The following UBTF variants were observed in gnomAD, a reference collection of about 807,000 sequenced individuals.
UBTF encodes the protein nucleolar transcription factor 1.
In UBTF, 8 loss-of-function variants were observed where a neutral mutation model predicts 112.3. The ratio of observed to expected loss-of-function variants is 0.07; its 90% confidence interval spans 0.04 to 0.13. The LOEUF is 0.13. Ranked by LOEUF, UBTF falls within the 10% of genes least tolerant of loss-of-function variation. UBTF has a pLI of 1.00. For missense variants in UBTF, 457 were observed against 982.1 expected, an observed-to-expected ratio of 0.47 and a Z score of 7.15; for synonymous variants, 417 against 373.1, an observed-to-expected ratio of 1.12 and a Z score of -1.36.
In UBTF at chr17:44,219,628, C is replaced by T. The variant is rs2047065805; in HGVS notation, c.-251G>A. On this transcript the variant is annotated 5_prime_UTR_variant, in exon 1 of 21. Coordinates refer to ENST00000436088, the MANE Select transcript of UBTF (RefSeq NM_014233.4). ...GCTGCTGCTGTGGCGGCGGCGGCGG[C>T]GGCGGCGGCTGTGGCTGCTGCCTGC... 2 of 162,952 alleles carry T rather than the reference C, an allele frequency of 1.2e-5. No individual in the cohort carries two copies. Among genetic ancestry groups the T allele is most frequent in the Non-Finnish European group, 1.3e-5 (1 of 78,028 alleles). The allele number at this position is 162,952 out of a possible 1,614,324, so 10.1% of individuals were successfully genotyped here.
intron 1 of UBTF, chr17:44,218,615 A>T (rs2046979009): frequency 1.1e-5 from 2 of 185,532 alleles, no homozygotes; most frequent in Non-Finnish European, 2.2e-5. Context: ...AAAAAGAAAA[A>T]ATCTCCTCCT....
intron 3 of UBTF, chr17:44,216,208 A>G (rs2046838801): frequency 1.6e-6 from 1 of 606,618 alleles, no homozygotes; most frequent in Admixed American, 3.0e-5. Flanking sequence ...ACCAAAGGCC[A>G]GCAACAAGGG....
At chr17:44,218,475 TCCCCCAG>T (rs2046960695) in intron 1 of UBTF, 179 bp from the exon 2 acceptor site, 4 of 458,470 alleles carry the variant, frequency 8.7e-6, no homozygotes, top group Non-Finnish European at 1.5e-5. Flanking sequence ...CGTGACCCCC[TCCCCCAG>T]CCCCTGCAGC....
intron 7 of UBTF, 38 bp from the exon 8 acceptor site, chr17:44,212,492 A>T: frequency 6.3e-5 from 13 of 207,376 alleles, no homozygotes; most frequent in Non-Finnish European, 1.1e-4. Context: ...ACAGGCAGCC[A>T]GGGGCAGGGG....
Position 44,207,449 on chromosome 17 carries a change from C to G in UBTF, c.2169+5G>C, listed in dbSNP as rs772265216. 1.3e-5 allele frequency: 21 copies of G among 1,613,422 alleles called. No individual in the cohort carries two copies. The Admixed American group carries it at 3.5e-4, about 27-fold the overall frequency. Reference sequence around the variant, plus strand: ...TCCCCTCCCACTGTGCCCTGTCTGCCCCACCTCATCCCCATCCTCGCTCTC... The same window carrying G: ...TCCCCTCCCACTGTGCCCTGTCTGCGCCACCTCATCCCCATCCTCGCTCTC... On this transcript the variant is annotated splice_donor_5th_base_variant and intron_variant, in intron 20 of 20. Transcript: ENST00000436088.
Position 44,211,193 on chromosome 17 carries a change from C to A in UBTF, c.1090-41G>T, listed in dbSNP as rs1225081279. 1.5e-5 allele frequency: 24 copies of A among 1,613,196 alleles called. No homozygotes were observed. Among genetic ancestry groups the A allele is most frequent in the Middle Eastern group, 1.6e-4 (1 of 6,062 alleles). ...GAGCACGGGGCTGCATGCCTGGCACCCAGACTGCATGGTGCCCTATCTCCA... is the reference window on the plus strand; with the variant it reads ...GAGCACGGGGCTGCATGCCTGGCACACAGACTGCATGGTGCCCTATCTCCA... On this transcript the variant is annotated intron_variant, in intron 11 of 20. Coordinates refer to ENST00000436088, the MANE Select transcript of UBTF (RefSeq NM_014233.4). This position sits in a 1 kb window ranked among gnomAD's most constrained non-coding sequence, Gnocchi z 4.9.
At position 44,206,565 on chromosome 17, in the gene UBTF, G is replaced by C. The variant is rs2056253450; in HGVS notation, c.*677C>G. On this transcript the variant is annotated 3_prime_UTR_variant, in exon 21 of 21. Coordinates refer to ENST00000436088, the MANE Select transcript of UBTF (RefSeq NM_014233.4). ...CTACCCCTAAACCCTCCCTCTCCCAGAAATGACAACAGAGACGGCAGCCGA... is the reference window on the plus strand; with the variant it reads ...CTACCCCTAAACCCTCCCTCTCCCACAAATGACAACAGAGACGGCAGCCGA... The C allele has an allele frequency of 6.8e-6, 1 of 147,758 alleles. No individual in the cohort carries two copies. The highest frequency in any genetic ancestry group is 1.5e-5 in the Non-Finnish European group (1 of 66,900). 9.2% of individuals were successfully genotyped at this position (147,758 alleles called of 1,614,324 possible).
chr17:44,218,534 C>G (rs2046966246), intron 1 of UBTF: 2 of 347,856 alleles, frequency 5.7e-6, no homozygotes, highest in Non-Finnish European at 1.0e-5. Flanking sequence ...ACGCGAGGGC[C>G]TGCTCCTAGC....
intron 5 of UBTF, 69 bp downstream of exon 5, chr17:44,215,584 CA>C: frequency 6.3e-7 from 1 of 1,587,860 alleles, no homozygotes; most frequent in Non-Finnish European, 8.6e-7. Flanking sequence ...GGCCTACCTC[CA>C]ACTGACCCAC....
chr17:44,219,155 G>A (rs1440547189), intron 1 of UBTF: 1 of 150,674 alleles, frequency 6.6e-6, no homozygotes, highest in Non-Finnish European at 1.5e-5. Context: ...GGGAGGCGGG[G>A]GCGCAGCGCT....
intron 7 of UBTF, 86 bp downstream of exon 7, chr17:44,212,733 C>T (rs2056773846): frequency 1.3e-6 from 2 of 1,579,762 alleles, no homozygotes; most frequent in African/African-American, 2.7e-5. Context: ...TCCTGCTCCC[C>T]TGCACCGTGC....
At chr17:44,216,142 C>A in intron 3 of UBTF, 153 bp from the exon 4 acceptor site, 1 of 685,056 alleles carries the variant, frequency 1.5e-6, no homozygotes, top group Non-Finnish European at 2.5e-6. Flanking sequence ...AAGCAGGCAG[C>A]ATGACACCCA....
At position 44,211,672 on chromosome 17, in the gene UBTF, C is replaced by T. The variant is rs982766433; in HGVS notation, c.981G>A (p.Leu327=). ...ACAGCAGCTTCCACTGCTGGCTGCA[C>T]AGCACCATGCGCTCTGTGCTGGGCA... ...KDVPSTERMV[L]CSQQWKLLSQ... Residue 327 remains leucine (L), a synonymous_variant, in exon 10 of 21, where the codon CTG becomes CTA. Transcript: ENST00000436088. The surrounding 1 kb of genome is among the most constrained non-coding windows in gnomAD (Gnocchi z 4.9). 1.2e-6 allele frequency: 2 copies of T among 1,610,936 alleles called. No individual in the cohort carries two copies. Among genetic ancestry groups the T allele is most frequent in the Non-Finnish European group, 1.7e-6 (2 of 1,180,022 alleles).
At position 44,211,470 on chromosome 17, in the gene UBTF, C is replaced by A; in HGVS notation, c.1047+136G>T. 6.4e-7 allele frequency: 1 copy of A among 1,563,972 alleles called. No individual in the cohort carries two copies. The highest frequency in any genetic ancestry group is 8.7e-7 in the Non-Finnish European group (1 of 1,147,438). On this transcript the variant is annotated intron_variant, in intron 10 of 20. Transcript: ENST00000436088. The surrounding 1 kb of genome is among the most constrained non-coding windows in gnomAD (Gnocchi z 4.9). ...CTCCCTGCCTGGACGGGCTCAGTTGCTAAGCCCAGCCCAGCCCCACACTGT... is the reference window on the plus strand; with the variant it reads ...CTCCCTGCCTGGACGGGCTCAGTTGATAAGCCCAGCCCAGCCCCACACTGT...
intron 5 of UBTF, 54 bp downstream of exon 5, chr17:44,215,600 C>T: frequency 6.2e-7 from 1 of 1,604,578 alleles, no homozygotes; most frequent in Non-Finnish European, 8.5e-7. Flanking sequence ...ACCCACACCA[C>T]ACCAGCTGCT....
chr17:44,213,912 G>A (rs2046709486), intron 5 of UBTF, among the ~76,000 whole-genome samples: 1 of 151,826 alleles, frequency 6.6e-6, no homozygotes, highest in Non-Finnish European at 1.5e-5. Context: ...GGCCCCTCCA[G>A]CCCTCCCTCC....
chr17:44,209,440 C>T lies in UBTF; in HGVS notation c.1817G>A (p.Arg606His), dbSNP rs765751452. The change falls in exon 17 of 21, where the codon CGC becomes CAC. Residue 606 changes from arginine (R) to histidine (H), a missense_variant. Coordinates refer to ENST00000436088, the MANE Select transcript of UBTF (RefSeq NM_014233.4). ...RMVEIGSRWQRISQSQKEHYK... is the reference protein window; with the variant it reads ...RMVEIGSRWQHISQSQKEHYK... ...GTGCTCCTTCTGGCTCTGGGAGATG[C>T]GCTGCCAGCGACTGCCGATCTCCAC... 8 of 1,614,032 alleles carry T rather than the reference C, an allele frequency of 5.0e-6. No individual in the cohort carries two copies. Among genetic ancestry groups the T allele is most frequent in the South Asian group, 2.2e-5 (2 of 91,088 alleles).
intron 8 of UBTF, 101 bp from the exon 9 acceptor site, chr17:44,212,107 TG>T: frequency 8.0e-7 from 1 of 1,252,670 alleles, no homozygotes; most frequent in Non-Finnish European, 1.1e-6. Flanking sequence ...GGAGCAAAGC[TG>T]GGGGTGGCTG....
At chr17:44,218,746 CCCCGGCCGGTTCCCCCCGCCTCCGCAA>C (rs1022874548) in intron 1 of UBTF, among the ~76,000 whole-genome samples, 3 of 151,610 alleles carry the variant, frequency 2.0e-5, no homozygotes, top group East Asian at 1.9e-4. Flanking sequence ...TCCCGCCTCC[CCCCGGCCGGTTCCCCCCGCCTCCGCAA>C]CCCGGCGGGG....
Sources: gnomAD v4.1 joint callset for allele counts (sites outside exome capture counted in the v4.1 genomes callset) on GRCh38, gnomAD v4.1.1 for gene constraint, Gnocchi (gnomAD v3.1) non-coding constraint, MANE v1.5 for transcripts, NCBI Gene and HGNC (gene_info 2026-07-23, HGNC 2026-07-21) for gene names.